The following AGMO variants were observed in gnomAD, a reference collection of about 807,000 sequenced individuals.
The protein encoded by AGMO is alkylglycerol monooxygenase, also known as glyceryl-ether monooxygenase.
A neutral mutation model predicts 60.2 loss-of-function variants in AGMO; 75 were observed. The observed-to-expected ratio is 1.25, with a 90% CI of 1.03 to 1.51. The LOEUF (loss-of-function observed/expected upper bound fraction) is 1.51. Among genes scored for constraint, AGMO ranks in the 40% most tolerant of loss-of-function variants. The pLI is 0.00. For missense variants in AGMO, 763 were observed against 525.5 expected (o/e 1.45, Z -4.42); for synonymous variants, 261 against 177.1 (o/e 1.47, Z -3.76).
rs1380318486 is a variant in AGMO at position 15,365,532 on chromosome 7, T to G, written c.1245A>C (p.Ser415=). 8 of 1,612,344 alleles carry G rather than the reference T, an allele frequency of 5.0e-6. No homozygotes were observed. Among genetic ancestry groups the G allele is most frequent in the Non-Finnish European group, 6.8e-6 (8 of 1,178,722 alleles). The change falls in exon 12 of 13, where the codon TCA becomes TCC. Residue 415 remains serine (S), a synonymous_variant. Coordinates refer to ENST00000342526, the MANE Select transcript of AGMO (RefSeq NM_001004320.2). ...GTCTTACCTCAAAAGCAGATGACAA[T>G]GAAGGGACAAGAGGCTTCAGGTGAC... is the stretch of plus-strand genomic sequence containing the variant. The part of the protein sequence containing the change: ...RFGHLKPLVP[S]LSSAFEIVFS...
At chr7:15,184,288 A>AG in the AGMO span, among the ~76,000 whole-genome samples, 5 of 55,788 alleles carry the variant, frequency 9.0e-5, no homozygotes, top group African/African-American at 1.7e-4. Context: ...AAAGGAAGGA[A>AG]GGAAGGGAGG....
At chr7:15,248,200 A>ATC (rs1782815144) in intron 12 of AGMO, among the ~76,000 whole-genome samples, 1 of 88,110 alleles carries the variant, frequency 1.1e-5, no homozygotes, top group East Asian at 3.4e-4. Flanking sequence ...ATATATATAT[A>ATC]TATATATATA....
chr7:15,222,997 G>A (rs1367506421), intron 12 of AGMO, among the ~76,000 whole-genome samples: 1 of 151,904 alleles, frequency 6.6e-6, no homozygotes, highest in Non-Finnish European at 1.5e-5. Flanking sequence ...ACAGATGCAT[G>A]AGTGTGCATG....
chr7:15,337,749 C>T (rs911082684), intron 12 of AGMO, among the ~76,000 whole-genome samples: 2 of 152,204 alleles, frequency 1.3e-5, no homozygotes, highest in Non-Finnish European at 2.9e-5. Flanking sequence ...TGTCCACCTG[C>T]TTCTGAGTGC....
chr7:15,352,820 C>T (rs1782300267), intron 12 of AGMO, among the ~76,000 whole-genome samples: 1 of 151,778 alleles, frequency 6.6e-6, no homozygotes, highest in Non-Finnish European at 1.5e-5. Flanking sequence ...CACCTGTTTT[C>T]GCTATTAAAG....
At position 15,307,921 on chromosome 7, in the gene AGMO, T is replaced by C. The variant is rs892686717; in HGVS notation, c.1263+57593A>G. On this transcript the variant is annotated intron_variant, in intron 12 of 12. Coordinates refer to ENST00000342526, the MANE Select transcript of AGMO (RefSeq NM_001004320.2). ...GTAAACAAGTGTGATGGAGTTTTTA[T>C]TTTATGTCTCTCTCTTGTCAATCCT... Among the ~76,000 whole-genome samples, 5 of 152,152 alleles carry C rather than the reference T, an allele frequency of 3.3e-5. No individual in the cohort carries two copies. In the South Asian group the frequency reaches 8.3e-4, roughly 25 times the overall value.
intron 3 of AGMO, among the ~76,000 whole-genome samples, chr7:15,485,924 T>C (rs1229494234): frequency 3.3e-5 from 5 of 151,936 alleles, no homozygotes; most frequent in Admixed American, 2.6e-4. Context: ...AGTTATAGAG[T>C]GATTTTCTGG....
At chr7:15,224,333 G>A (rs1200302665) in intron 12 of AGMO, among the ~76,000 whole-genome samples, 1 of 151,958 alleles carries the variant, frequency 6.6e-6, no homozygotes, top group Non-Finnish European at 1.5e-5. Context: ...ATTATGAGGA[G>A]GTAATTAGGT....
At chr7:15,280,003 T>C (rs1451575949) in intron 12 of AGMO, among the ~76,000 whole-genome samples, 3 of 152,108 alleles carry the variant, frequency 2.0e-5, no homozygotes. Context: ...GGTCACAGGT[T>C]GAAAGAAGCT....
chr7:15,255,586 G>A (rs1021873642), intron 12 of AGMO, among the ~76,000 whole-genome samples: 1 of 149,232 alleles, frequency 6.7e-6, no homozygotes, highest in Admixed American at 6.7e-5. Flanking sequence ...GCCAATATCC[G>A]TGATGAACAC....
At chr7:15,135,979 C>CTTTTTTTTTTTTTTTTTTTTTGT in the AGMO span, among the ~76,000 whole-genome samples, 6 of 106,870 alleles carry the variant, frequency 5.6e-5, no homozygotes, top group Non-Finnish European at 9.0e-5. Context: ...TTTTTCTTTT[C>CTTTTTTTTTTTTTTTTTTTTTGT]TTTTTTTTTT....
intron 3 of AGMO, among the ~76,000 whole-genome samples, chr7:15,493,437 G>C (rs576430478): frequency 2.2e-5 from 3 of 135,978 alleles, no homozygotes; most frequent in Non-Finnish European, 3.0e-5. Flanking sequence ...GCAGTGGCGC[G>C]ATCTCGGCTC....
intron 11 of AGMO, among the ~76,000 whole-genome samples, 198 bp downstream of exon 11, chr7:15,365,935 TCTTCATA>T (rs1260477069): frequency 6.6e-6 from 1 of 152,094 alleles, no homozygotes; most frequent in Non-Finnish European, 1.5e-5. Context: ...TGATTTAATG[TCTTCATA>T]CTTCATTCAT....
At chr7:15,367,125 C>T (rs1163509922) in intron 10 of AGMO, among the ~76,000 whole-genome samples, 1 of 151,888 alleles carries the variant, frequency 6.6e-6, no homozygotes, top group Non-Finnish European at 1.5e-5. Flanking sequence ...AGTCAAAGGA[C>T]TTTCCTTTAA....
the AGMO span, among the ~76,000 whole-genome samples, chr7:15,125,301 T>C: frequency 3.9e-5 from 6 of 152,206 alleles, no homozygotes; most frequent in South Asian, 1.2e-3. Context: ...GACTTCCTTC[T>C]TCCCTCTTCT....
chr7:15,347,596 C>G (rs1022075365), intron 12 of AGMO, among the ~76,000 whole-genome samples: 3 of 137,806 alleles, frequency 2.2e-5, no homozygotes, highest in African/African-American at 8.6e-5. Flanking sequence ...CATCCTCAGT[C>G]CGAACTCACT....
chr7:15,331,772 T>C (rs1274629173), intron 12 of AGMO, among the ~76,000 whole-genome samples: 1 of 151,878 alleles, frequency 6.6e-6, no homozygotes, highest in Non-Finnish European at 1.5e-5. Context: ...ACTAAAAATA[T>C]AAAATTAGCC....
chr7:15,419,880 C>A (rs917638819), intron 4 of AGMO, among the ~76,000 whole-genome samples: 1 of 151,942 alleles, frequency 6.6e-6, no homozygotes, highest in Non-Finnish European at 1.5e-5. Context: ...CATAGTCATC[C>A]TTTTTGTTCC....
At chr7:15,172,039 CT>C in the AGMO span, among the ~76,000 whole-genome samples, 1 of 151,354 alleles carries the variant, frequency 6.6e-6, no homozygotes, top group African/African-American at 2.4e-5. Flanking sequence ...GTGATGTGCT[CT>C]TTTTTTTTAG....
Sources: gnomAD v4.1 joint callset for allele counts (sites outside exome capture counted in the v4.1 genomes callset) on GRCh38, gnomAD v4.1.1 for gene constraint, MANE v1.5 for transcripts, NCBI Gene and HGNC (gene_info 2026-07-23, HGNC 2026-07-21) for gene names.